CHL1: variants seen among roughly 807,000 people sequenced by gnomAD.
CHL1 encodes the protein neural cell adhesion molecule L1-like protein.
In CHL1, 96 loss-of-function variants were observed where a neutral mutation model predicts 141.9. That is an observed-to-expected ratio of 0.68 (90% confidence interval 0.57 to 0.80). CHL1 has a LOEUF of 0.80. Among genes scored for constraint, CHL1 ranks in the 30% least tolerant of loss-of-function variants. CHL1 has a pLI of 0.00. For synonymous variants in CHL1, 613 were observed against 502.2 expected (o/e 1.22, Z -2.95); for missense variants, 1,820 against 1,457.2 (o/e 1.25, Z -4.05).
intron 1 of CHL1, among the ~76,000 whole-genome samples, chr3:239,771 C>T (rs1028477216): frequency 2.6e-5 from 4 of 151,904 alleles, no homozygotes; most frequent in African/African-American, 9.7e-5. Flanking sequence ...CCCTTTCCCC[C>T]AAGTCCCCAA....
At chr3:265,690 G>T (rs1294063735) in intron 2 of CHL1, among the ~76,000 whole-genome samples, 1 of 152,176 alleles carries the variant, frequency 6.6e-6, no homozygotes, top group Non-Finnish European at 1.5e-5. Flanking sequence ...GAGATGTGGG[G>T]AATGGGTGGG....
At chr3:372,647 C>T (rs575120723) in intron 15 of CHL1, among the ~76,000 whole-genome samples, 1 of 152,234 alleles carries the variant, frequency 6.6e-6, no homozygotes, top group African/African-American at 2.4e-5. Flanking sequence ...GTTCTGCGCC[C>T]TTGGTGGAGA....
intron 1 of CHL1, among the ~76,000 whole-genome samples, chr3:230,968 C>T (rs758800586): frequency 1.3e-5 from 2 of 152,168 alleles, no homozygotes; most frequent in Non-Finnish European, 2.9e-5. Context: ...GAATCCTTAG[C>T]TTTCCCCAGA....
chr3:360,363 C>G lies in CHL1; in HGVS notation c.1245C>G (p.Tyr415Ter). The G allele has an allele frequency of 6.2e-7, 1 of 1,613,510 alleles. No homozygotes were observed. Among genetic ancestry groups the G allele is most frequent in the Non-Finnish European group, 8.5e-7 (1 of 1,179,556 alleles). Reference protein sequence around the residue: ...TNLQPNHTAVYQCEASNVHGT... With the variant: ...TNLQPNHTAV ...TTCAACCAAATCATACTGCTGTGTA[C>G]CAGTGTGAAGCCTCAAATGTCCATG... Residue 415 changes from tyrosine (Y) to a stop codon, truncating the protein, a stop_gained, in exon 12 of 28, where the codon TAC becomes TAG. Coordinates refer to ENST00000256509, the MANE Select transcript of CHL1 (RefSeq NM_006614.4). LOFTEE classifies it high-confidence loss of function.
At chr3:333,908 T>G (rs1198692011) in intron 5 of CHL1, among the ~76,000 whole-genome samples, 2 of 152,170 alleles carry the variant, frequency 1.3e-5, no homozygotes, top group African/African-American at 4.8e-5. Context: ...TATTCCAGCC[T>G]AGATAATTTT....
At chr3:232,661 A>T (rs78577693) in intron 1 of CHL1, among the ~76,000 whole-genome samples, 132 of 152,186 alleles carry the variant, frequency 8.7e-4, no homozygotes, top group African/African-American at 2.8e-3. Flanking sequence ...AATAATTATC[A>T]TTAGGTTAGA....
chr3:329,030 G>A (rs1467374172), intron 5 of CHL1, among the ~76,000 whole-genome samples: 1 of 152,124 alleles, frequency 6.6e-6, no homozygotes, highest in Non-Finnish European at 1.5e-5. Context: ...GTGTAAAACT[G>A]CAAGACACTT....
intron 11 of CHL1, 44 bp from the exon 12 acceptor site, chr3:360,240 A>G (rs748990413): frequency 1.3e-5 from 21 of 1,603,790 alleles, no homozygotes; most frequent in Middle Eastern, 3.3e-4. Flanking sequence ...TAAATATTTT[A>G]TGTCCTGTTC....
Position 389,364 on chromosome 3 carries a change from G to T in CHL1, c.2360G>T (p.Arg787Leu). The change falls in exon 20 of 28, where the codon CGG (arginine) becomes CTG (leucine). Residue 787 changes from arginine to leucine, a missense_variant. By Grantham distance (102) the Arg-to-Leu change is moderately radical. Coordinates refer to ENST00000256509, the MANE Select transcript of CHL1 (RefSeq NM_006614.4). Reference protein sequence around the residue: ...EEETVTNHTLRVMTPAVYAPY... With the variant: ...EEETVTNHTLLVMTPAVYAPY... ...GAAACAGTCACAAACCACACATTGC[G>T]GGTGATGACGCCTGCTGTCTATGCC... 3 of 1,614,138 alleles carry T rather than the reference G, an allele frequency of 1.9e-6. No homozygotes were observed. Among genetic ancestry groups the T allele is most frequent in the Non-Finnish European group, 2.5e-6 (3 of 1,180,014 alleles).
chr3:281,929 A>T (rs1696697481), intron 2 of CHL1, among the ~76,000 whole-genome samples: 1 of 152,180 alleles, frequency 6.6e-6, no homozygotes, highest in Non-Finnish European at 1.5e-5. Flanking sequence ...TCTCTTCTAG[A>T]TACGACATAA....
At chr3:277,470 G>A (rs1696247710) in intron 2 of CHL1, among the ~76,000 whole-genome samples, 1 of 152,132 alleles carries the variant, frequency 6.6e-6, no homozygotes, top group Non-Finnish European at 1.5e-5. Flanking sequence ...ACACAGCATT[G>A]AATCTTGTAT....
In CHL1 at chr3:320,576, A is replaced by G. The variant is rs941118468; in HGVS notation, c.91+709A>G. ...GTGACACATGACTGTAGTCCCACCTATTTAGGAGTCTGAGGCAGGAGGATT... is the reference window on the plus strand; with the variant it reads ...GTGACACATGACTGTAGTCCCACCTGTTTAGGAGTCTGAGGCAGGAGGATT... On this transcript the variant is annotated intron_variant, in intron 3 of 27. Coordinates refer to ENST00000256509, the MANE Select transcript of CHL1 (RefSeq NM_006614.4). Among the ~76,000 whole-genome samples the G allele has an allele frequency of 2.0e-5, 3 of 152,046 alleles. No individual in the cohort carries two copies. The East Asian group carries it at 5.8e-4, about 29-fold the overall frequency.
chr3:235,724 AC>A (rs1559312909), intron 1 of CHL1, among the ~76,000 whole-genome samples: 5 of 152,068 alleles, frequency 3.3e-5, no homozygotes, highest in African/African-American at 1.2e-4. Context: ...TAAAGTCAGA[AC>A]TGGGTCCTAT....
At chr3:218,602 GC>G (rs1478725108) in intron 1 of CHL1, among the ~76,000 whole-genome samples, 1 of 152,154 alleles carries the variant, frequency 6.6e-6, no homozygotes, top group Non-Finnish European at 1.5e-5. Context: ...GATGTCAAGT[GC>G]TGCTAAATGT....
At chr3:291,477 A>G (rs1040786027) in intron 2 of CHL1, among the ~76,000 whole-genome samples, 13 of 147,484 alleles carry the variant, frequency 8.8e-5, no homozygotes, top group African/African-American at 3.3e-4. Flanking sequence ...TTTTAACCTC[A>G]GAAGGAATTA....
rs1422186312 is a variant in CHL1 at position 260,995 on chromosome 3, C to G, written c.-95+16303C>G. ...TTTATTGTTTATTAAATTGATTCTA[C>G]TTGATTTTTTGCAGACATAAATGAG... On this transcript the variant is annotated intron_variant, in intron 2 of 27. Coordinates refer to ENST00000256509, the MANE Select transcript of CHL1 (RefSeq NM_006614.4). Among the ~76,000 whole-genome samples, 4 of 152,210 alleles carry G rather than the reference C, an allele frequency of 2.6e-5. No individual in the cohort carries two copies. In the East Asian group the frequency reaches 7.7e-4, roughly 29 times the overall value.
At chr3:257,246 T>C (rs991615592) in intron 2 of CHL1, among the ~76,000 whole-genome samples, 1 of 152,184 alleles carries the variant, frequency 6.6e-6, no homozygotes, top group African/African-American at 2.4e-5. Context: ...TTTAGTTCTC[T>C]TTCCCTTAAT....
rs530846241 is a variant in CHL1 at position 300,822 on chromosome 3, G to A, written c.-94-18861G>A. Among the ~76,000 whole-genome samples, 7 of 152,096 alleles carry A rather than the reference G, an allele frequency of 4.6e-5. 1 individual carries two copies. The highest frequency in any genetic ancestry group is 4.1e-4 in the South Asian group (2 of 4,828). On this transcript the variant is annotated intron_variant, in intron 2 of 27. Transcript: ENST00000256509. ...AACCCTTGTGATATGAAAGGTTTCC[G>A]AAGAAAGTGCAGCTGTGTTAAGACC...
intron 1 of CHL1, among the ~76,000 whole-genome samples, chr3:242,604 T>TAAATA (rs71619440): frequency 5.7e-4 from 61 of 106,708 alleles, no homozygotes; most frequent in South Asian, 4.6e-3. Flanking sequence ...TCAAAATAAA[T>TAAATA]AAATAAAATA....
Sources: gnomAD v4.1 joint callset for allele counts (sites outside exome capture counted in the v4.1 genomes callset) on GRCh38, gnomAD v4.1.1 for gene constraint, MANE v1.5 for transcripts, NCBI Gene and HGNC (gene_info 2026-07-23, HGNC 2026-07-21) for gene names.